DTL: variants seen among roughly 807,000 people sequenced by gnomAD.
DTL encodes denticleless E3 ubiquitin protein ligase adapter.
Under a neutral mutation model 87.0 loss-of-function variants are expected in DTL, and 46 were observed. The ratio of observed to expected loss-of-function variants is 0.53; its 90% CI spans 0.42 to 0.68. DTL has a LOEUF of 0.68. Ranked by LOEUF, DTL falls within the 30% of genes least tolerant of loss-of-function variation. The probability of loss-of-function intolerance (pLI) is 0.00; values close to 1 mark genes in which losing one functional copy is unlikely to be tolerated. For missense variants in DTL, 737 were observed against 869.4 expected (o/e 0.85, Z 1.91); for synonymous variants, 308 against 311.2 (o/e 0.99, Z 0.11).
chr1:212,066,108 C>T (rs1385727210), intron 7 of DTL, among the ~76,000 whole-genome samples: 1 of 152,142 alleles, frequency 6.6e-6, no homozygotes, highest in African/African-American at 2.4e-5. Context: ...CATAATATAT[C>T]CTTTTTCTTT....
At chr1:212,058,628 C>T (rs1253122605) in intron 5 of DTL, among the ~76,000 whole-genome samples, 1 of 151,542 alleles carries the variant, frequency 6.6e-6, no homozygotes, top group Non-Finnish European at 1.5e-5. Context: ...AACAATGTAC[C>T]TCAAGGAACT....
In DTL at chr1:212,100,444, C is replaced by T. The variant is rs1298860003; in HGVS notation, c.1454C>T (p.Ser485Phe). The T allele has an allele frequency of 2.5e-6, 4 of 1,613,936 alleles. No individual in the cohort carries two copies. The African/African-American group carries it at 5.3e-5, about 22-fold the overall frequency. Residue 485 changes from serine (S) to phenylalanine (F), a missense_variant, in exon 14 of 15, where the codon TCT becomes TTT. Transcript: ENST00000366991. ...KARSPINRRG[S>F]VSSVSPKPPS... The stretch of plus-strand genomic sequence containing the variant: ...CGGTCTCCCATCAACAGAAGAGGCT[C>T]TGTCTCCTCCGTCTCTCCCAAGCCA...
chr1:212,043,565 C>G (rs1016734088), intron 2 of DTL, among the ~76,000 whole-genome samples: 1 of 152,156 alleles, frequency 6.6e-6, no homozygotes, highest in Admixed American at 6.5e-5. Flanking sequence ...CACAGTGGCT[C>G]ACACTTGTAA....
Position 212,098,179 on chromosome 1 carries a change from G to A in DTL, c.1262-2073G>A, listed in dbSNP as rs929488407. Among the ~76,000 whole-genome samples the A allele has an allele frequency of 2.5e-4, 38 of 152,196 alleles. 1 individual carries two copies. The highest frequency in any genetic ancestry group is 5.1e-4 in the Non-Finnish European group (35 of 68,038). ...GAGTACTTGGTTGTAGTTTTATTTA[G>A]TGTACTGGTTGTCTTGAATGCTAGT... On this transcript the variant is annotated intron_variant, in intron 13 of 14. Coordinates refer to ENST00000366991, the MANE Select transcript of DTL (RefSeq NM_016448.4).
At chr1:212,063,198 A>AAG (rs1558078618) in intron 6 of DTL, among the ~76,000 whole-genome samples, 3 of 152,050 alleles carry the variant, frequency 2.0e-5, no homozygotes. Flanking sequence ...AATGCCATTT[A>AAG]CCCACATTAT....
intron 11 of DTL, 24 bp from the exon 12 acceptor site, chr1:212,078,149 C>G: frequency 7.0e-7 from 1 of 1,432,226 alleles, no homozygotes; most frequent in Non-Finnish European, 9.8e-7. Context: ...GCTTTGCTGA[C>G]TTGTTTGTTT....
chr1:212,093,680 G>A (rs552922949), intron 13 of DTL, among the ~76,000 whole-genome samples: 4 of 152,190 alleles, frequency 2.6e-5, no homozygotes, highest in African/African-American at 9.6e-5. Context: ...TCTGCTTGAC[G>A]ACCAGCCACT....
chr1:212,063,895 GTT>G (rs36083602), intron 6 of DTL, among the ~76,000 whole-genome samples: 3 of 138,748 alleles, frequency 2.2e-5, no homozygotes, highest in Non-Finnish European at 3.1e-5. Flanking sequence ...TTTGTTTCTT[GTT>G]TTTTTTTTTT....
intron 13 of DTL, among the ~76,000 whole-genome samples, chr1:212,092,460 A>G (rs2102580159): frequency 6.6e-6 from 1 of 151,796 alleles, no homozygotes; most frequent in East Asian, 1.9e-4. Flanking sequence ...AACCTGGGAG[A>G]TGGAGGTTGA....
At chr1:212,047,971 T>A (rs1379039744) in intron 5 of DTL, among the ~76,000 whole-genome samples, 1 of 152,222 alleles carries the variant, frequency 6.6e-6, no homozygotes, top group Non-Finnish European at 1.5e-5. Context: ...ATCTTGCACA[T>A]AAGGTAAAGA....
rs200814623 is a variant in DTL, at chr1:212,068,317, T to G, written c.807T>G (p.Thr269=). The part of the protein sequence containing the change: ...SKSFLYPGSS[T]RKLGYSSLIL... ...CTTTCCTGTACCCAGGTAGCAGCAC[T>G]CGAAAACTTGGTAAGCCTTTAATAG... Residue 269 remains threonine, a synonymous_variant, in exon 9 of 15, where the codon ACT becomes ACG. Coordinates refer to ENST00000366991, the MANE Select transcript of DTL (RefSeq NM_016448.4). 168 of 1,604,792 alleles carry G rather than the reference T, an allele frequency of 1.0e-4. No individual in the cohort carries two copies. In the Admixed American group the frequency reaches 1.5e-3, roughly 14 times the overall value.
At chr1:212,072,000 C>A in intron 10 of DTL, 101 bp from the exon 11 acceptor site, 1 of 790,242 alleles carries the variant, frequency 1.3e-6, no homozygotes. Context: ...CTTCAATAGG[C>A]AATACAGTGA....
chr1:212,081,047 G>A (rs1654976728), intron 13 of DTL, among the ~76,000 whole-genome samples: 1 of 151,992 alleles, frequency 6.6e-6, no homozygotes, highest in African/African-American at 2.4e-5. Flanking sequence ...AAATCCTGAA[G>A]ATGTAAATAG....
intron 3 of DTL, among the ~76,000 whole-genome samples, 199 bp from the exon 4 acceptor site, chr1:212,046,952 G>A (rs1667825941): frequency 2.0e-5 from 3 of 152,136 alleles, no homozygotes; most frequent in Admixed American, 6.6e-5. Flanking sequence ...GCCAGCATCT[G>A]TTGTTTCTTG....
At chr1:212,056,821 A>G (rs1399550325) in intron 5 of DTL, among the ~76,000 whole-genome samples, 1 of 152,168 alleles carries the variant, frequency 6.6e-6, no homozygotes, top group African/African-American at 2.4e-5. Context: ...AAATTCTGGA[A>G]CTACAGAATT....
chr1:212,088,209 T>A (rs1017520372), intron 13 of DTL, among the ~76,000 whole-genome samples: 4 of 152,204 alleles, frequency 2.6e-5, no homozygotes, highest in Non-Finnish European at 5.9e-5. Context: ...TTGATTATCC[T>A]TATCCTAAAG....
intron 5 of DTL, among the ~76,000 whole-genome samples, chr1:212,049,357 C>T (rs1667896857): frequency 6.6e-6 from 1 of 152,124 alleles, no homozygotes. Context: ...GTTAGGTATG[C>T]TTGTGTTCTA....
intron 5 of DTL, among the ~76,000 whole-genome samples, chr1:212,059,687 G>A (rs1045088682): frequency 3.0e-5 from 4 of 135,320 alleles, no homozygotes; most frequent in Non-Finnish European, 6.2e-5. Flanking sequence ...TCAGGCCAGA[G>A]AAAGAAGTAA....
chr1:212,068,481 T>C, intron 9 of DTL, 118 bp from the exon 10 acceptor site: 1 of 858,798 alleles, frequency 1.2e-6, no homozygotes. Flanking sequence ...GTGTATATTT[T>C]GGGGACAAAG....
Sources: gnomAD v4.1 joint callset for allele counts (sites outside exome capture counted in the v4.1 genomes callset) on GRCh38, gnomAD v4.1.1 for gene constraint, MANE v1.5 for transcripts, NCBI Gene and HGNC (gene_info 2026-07-23, HGNC 2026-07-21) for gene names.